Variants in YEATS2 observed in about 807,000 individuals in gnomAD.
The protein encoded by YEATS2 is YEATS domain-containing protein 2.
YEATS2 carries 77 observed loss-of-function variants against 163.2 expected under a neutral mutation model. The observed-to-expected ratio is 0.47, with a 90% CI of 0.39 to 0.57. The LOEUF (loss-of-function observed/expected upper bound fraction) is 0.57, where lower values mean the gene tolerates loss of function less well. Among genes scored for constraint, YEATS2 ranks in the 20% least tolerant of loss-of-function variants. The pLI is 0.00. For missense variants in YEATS2, 1,549 were observed against 1,729.8 expected (o/e 0.90, Z 1.85); for synonymous variants, 631 against 645.1 (o/e 0.98, Z 0.33).
chr3:183,797,576 A>G lies in YEATS2; in HGVS notation c.3098-347A>G, dbSNP rs555337016. ...TAAATAAATAAATAAATAAATAAATAGGGACCAGGCATGGTGGCTCATGTC... is the reference window on the plus strand; with the variant it reads ...TAAATAAATAAATAAATAAATAAATGGGGACCAGGCATGGTGGCTCATGTC... On this transcript the variant is annotated intron_variant, in intron 21 of 30. Coordinates refer to ENST00000305135, the MANE Select transcript of YEATS2 (RefSeq NM_018023.5). Among the ~76,000 whole-genome samples, 6 of 151,370 alleles carry G rather than the reference A, an allele frequency of 4.0e-5. No homozygotes were observed. In the South Asian group the frequency reaches 6.3e-4, roughly 16 times the overall value.
At position 183,775,919 on chromosome 3, in the gene YEATS2, C is replaced by G; in HGVS notation, c.2373C>G (p.Leu791=). The G allele has an allele frequency of 6.2e-7, 1 of 1,612,152 alleles. No individual in the cohort carries two copies. Among genetic ancestry groups the G allele is most frequent in the East Asian group, 2.2e-5 (1 of 44,848 alleles). Residue 791 remains leucine, a synonymous_variant, in exon 18 of 31, where the codon CTC becomes CTG. Transcript: ENST00000305135. The part of the protein sequence containing the change: ...AILRATNNAN[L]QSGSAASGGS... ...TGTCATTCATTGTATTTTTAGATCT[C>G]CAGTCTGGCTCAGCTGCCAGTGGTG...
At chr3:183,716,099 A>G (rs1289534134) in intron 2 of YEATS2, among the ~76,000 whole-genome samples, 3 of 151,978 alleles carry the variant, frequency 2.0e-5, no homozygotes, top group Admixed American at 6.6e-5. Context: ...AGCTGGGACT[A>G]CAGGCACCCG....
chr3:183,749,703 G>A (rs1223480019), intron 9 of YEATS2, among the ~76,000 whole-genome samples: 1 of 152,046 alleles, frequency 6.6e-6, no homozygotes, highest in East Asian at 1.9e-4. Context: ...GTGCAATCAC[G>A]GCTCACTGCA....
intron 22 of YEATS2, among the ~76,000 whole-genome samples, chr3:183,798,511 G>A (rs1020864732): frequency 1.3e-5 from 2 of 151,994 alleles, no homozygotes; most frequent in East Asian, 1.9e-4. Flanking sequence ...GTGCCACCAC[G>A]CCTGGCTAAT....
intron 11 of YEATS2, among the ~76,000 whole-genome samples, chr3:183,755,934 CA>C (rs1173138873): frequency 6.6e-6 from 1 of 151,702 alleles, no homozygotes; most frequent in Non-Finnish European, 1.5e-5. Context: ...TTAGTAGAGA[CA>C]GGGTTTCTCC....
intron 15 of YEATS2, among the ~76,000 whole-genome samples, chr3:183,762,875 A>G (rs1379226480): frequency 1.3e-5 from 2 of 151,978 alleles, no homozygotes; most frequent in Non-Finnish European, 2.9e-5. Context: ...AACATGGAGA[A>G]ACCCCATCTC....
chr3:183,794,078 G>A (rs977032501), intron 21 of YEATS2, among the ~76,000 whole-genome samples: 1 of 152,198 alleles, frequency 6.6e-6, no homozygotes, highest in Non-Finnish European at 1.5e-5. Context: ...GCACGCAGGG[G>A]CTGTGTGGGG....
chr3:183,800,034 ATGTT>A (rs1444641673), intron 23 of YEATS2, among the ~76,000 whole-genome samples: 1 of 151,754 alleles, frequency 6.6e-6, no homozygotes, highest in Non-Finnish European at 1.5e-5. Context: ...GGGTTTCACC[ATGTT>A]AGCCAGGATG....
rs772997218 is a variant in YEATS2 at position 183,756,495 on chromosome 3, T to C, written c.1391-33T>C. ...TTCTTACGTGAGTTGAATATGTGTA[T>C]TTTGTTTGTATTCTCTCTTTTTAAT... On this transcript the variant is annotated intron_variant, in intron 11 of 30. Coordinates refer to ENST00000305135, the MANE Select transcript of YEATS2 (RefSeq NM_018023.5). 2.6e-6 allele frequency: 4 copies of C among 1,516,112 alleles called. No individual in the cohort carries two copies. The African/African-American group carries it at 5.6e-5, about 21-fold the overall frequency. The allele number at this position is 1,516,112 out of a possible 1,614,324, so 93.9% of individuals were successfully genotyped here.
At chr3:183,730,482 G>T (rs1306330708) in intron 7 of YEATS2, among the ~76,000 whole-genome samples, 2 of 152,156 alleles carry the variant, frequency 1.3e-5, no homozygotes, top group Non-Finnish European at 2.9e-5. Flanking sequence ...AAACATGGCT[G>T]CCTCCTGAGA....
intron 4 of YEATS2, among the ~76,000 whole-genome samples, chr3:183,719,916 C>T (rs565638113): frequency 6.6e-6 from 1 of 152,218 alleles, no homozygotes; most frequent in African/African-American, 2.4e-5. Flanking sequence ...CTCCATGATC[C>T]TGACTTTTCG....
Position 183,775,912 on chromosome 3 carries a change from T to G in YEATS2, c.2369-3T>G, listed in dbSNP as rs745686244. 1.9e-6 allele frequency: 3 copies of G among 1,611,978 alleles called. No homozygotes were observed. In the Admixed American group the frequency reaches 5.0e-5, roughly 27 times the overall value. ...ATGTTGCTGTCATTCATTGTATTTT[T>G]AGATCTCCAGTCTGGCTCAGCTGCC... On this transcript the variant is annotated splice_polypyrimidine_tract_variant and splice_region_variant and intron_variant, in intron 17 of 30. Coordinates refer to ENST00000305135, the MANE Select transcript of YEATS2 (RefSeq NM_018023.5).
chr3:183,745,764 CA>C (rs767511891), intron 8 of YEATS2, among the ~76,000 whole-genome samples: 3 of 152,166 alleles, frequency 2.0e-5, no homozygotes, highest in African/African-American at 7.2e-5. Flanking sequence ...CTTCCCAAGC[CA>C]ACACATTGAT....
rs1717400060 is a variant in YEATS2, at chr3:183,728,778, A to G, written c.739A>G (p.Ile247Val). The change falls in exon 7 of 31, where the codon ATT (isoleucine) becomes GTT (valine). Residue 247 changes from isoleucine (I) to valine (V), a missense_variant. Ile to Val is a conservative substitution (Grantham distance 29). Coordinates refer to ENST00000305135, the MANE Select transcript of YEATS2 (RefSeq NM_018023.5). The part of the protein sequence containing the change: ...YVRGSRREPS[I>V]NHFVKKVWFF... ...CCGAGGGTCCCGTAGAGAACCCAGC[A>G]TTAATCATTTTGTCAAGAAGGTTTG... The G allele has an allele frequency of 6.2e-7, 1 of 1,614,168 alleles. No individual in the cohort carries two copies. The highest frequency in any genetic ancestry group is 1.3e-5 in the African/African-American group (1 of 75,044).
In YEATS2 at chr3:183,726,828, T is replaced by G. The variant is rs547128348; in HGVS notation, c.651-1862T>G. On this transcript the variant is annotated intron_variant, in intron 6 of 30. Coordinates refer to ENST00000305135, the MANE Select transcript of YEATS2 (RefSeq NM_018023.5). The stretch of plus-strand genomic sequence containing the variant: ...TTTGTTTTGTTTTTCCAAGACGGAG[T>G]TTTACTCTTGTTGCCCAGGTTGGAG... Among the ~76,000 whole-genome samples, 103 of 152,162 alleles carry G rather than the reference T, an allele frequency of 6.8e-4. 1 individual carries two copies. The highest frequency in any genetic ancestry group is 2.4e-3 in the African/African-American group (101 of 41,512).
chr3:183,749,466 TG>T (rs1719929592), intron 9 of YEATS2, among the ~76,000 whole-genome samples: 1 of 152,026 alleles, frequency 6.6e-6, no homozygotes, highest in African/African-American at 2.4e-5. Context: ...CACTGGCAAC[TG>T]CTGCTCTACT....
At chr3:183,709,032 C>T (rs9825504) in intron 1 of YEATS2, among the ~76,000 whole-genome samples, 46,538 of 151,776 alleles carry the variant, frequency 0.31, 8,126 homozygotes, top group African/African-American at 0.49. Flanking sequence ...TGGTGGCACA[C>T]ACCAGTAATC....
chr3:183,738,556 C>T lies in YEATS2; in HGVS notation c.924+1727C>T, dbSNP rs1479313891. On this transcript the variant is annotated intron_variant, in intron 8 of 30. Transcript: ENST00000305135. ...TCCCAATGCTATCCCTCCCCCCTCC[C>T]CCCACCCCACCACAGTCCCCAGAGT... Among the ~76,000 whole-genome samples the T allele has an allele frequency of 2.2e-3, 245 of 110,782 alleles. 1 individual carries two copies. Among genetic ancestry groups the T allele is most frequent in the African/African-American group, 8.0e-3 (237 of 29,728 alleles). 72.7% of individuals were successfully genotyped at this position (110,782 alleles called of 152,430 possible).
intron 27 of YEATS2, chr3:183,806,487 T>A (rs1420862795): frequency 2.3e-6 from 1 of 438,294 alleles, no homozygotes; most frequent in Non-Finnish European, 4.5e-6. Context: ...GCAGTGAGAA[T>A]AGGGGTGATT....
Sources: gnomAD v4.1 joint callset for allele counts (sites outside exome capture counted in the v4.1 genomes callset) on GRCh38, gnomAD v4.1.1 for gene constraint, MANE v1.5 for transcripts, NCBI Gene and HGNC (gene_info 2026-07-23, HGNC 2026-07-21) for gene names.